The following CNBD1 variants were observed in gnomAD, a reference collection of about 807,000 sequenced individuals.
CNBD1 encodes cyclic nucleotide binding domain containing 1, also known as cyclic nucleotide-binding domain-containing protein 1.
A neutral mutation model predicts 54.4 loss-of-function variants in CNBD1; 71 were observed. That is an observed-to-expected ratio of 1.30 (90% CI 1.08 to 1.59). The LOEUF (loss-of-function observed/expected upper bound fraction) is 1.59, where lower values mean the gene tolerates loss of function less well. Among genes scored for constraint, CNBD1 ranks in the 40% most tolerant of loss-of-function variants. CNBD1 has a pLI of 0.00. For missense variants in CNBD1, 659 were observed against 518.0 expected, an observed-to-expected ratio of 1.27 and a Z score of -2.64; for synonymous variants, 182 against 170.7, an observed-to-expected ratio of 1.07 and a Z score of -0.51.
intron 4 of CNBD1, among the ~76,000 whole-genome samples, chr8:87,183,151 T>C (rs1197691830): frequency 6.6e-6 from 1 of 152,148 alleles, no homozygotes; most frequent in Non-Finnish European, 1.5e-5. Flanking sequence ...ATTTATTGAA[T>C]AGTGAGTCTT....
chr8:87,376,791 C>T (rs1045787990), intron 10 of CNBD1, among the ~76,000 whole-genome samples: 1 of 151,816 alleles, frequency 6.6e-6, no homozygotes, highest in African/African-American at 2.4e-5. Flanking sequence ...TGCACAAATA[C>T]ATAGAAATTT....
rs540160738 is a variant in CNBD1 at position 87,220,983 on chromosome 8, T to C, written c.577+14845T>C. Among the ~76,000 whole-genome samples, 120 of 152,180 alleles carry C rather than the reference T, an allele frequency of 7.9e-4. 1 individual carries two copies. The highest frequency in any genetic ancestry group is 1.1e-3 in the Non-Finnish European group (78 of 67,958). On this transcript the variant is annotated intron_variant, in intron 5 of 10. Transcript: ENST00000518476. ...ATTTAAATGTTGAAAAATCACCCTCTCCCCATATTTGAGAGTCACTCCTGA... is the reference window on the plus strand; with the variant it reads ...ATTTAAATGTTGAAAAATCACCCTCCCCCCATATTTGAGAGTCACTCCTGA...
intron 2 of CNBD1, among the ~76,000 whole-genome samples, chr8:87,403,935 G>T (rs1247887139): frequency 6.6e-6 from 1 of 152,010 alleles, no homozygotes; most frequent in Non-Finnish European, 1.5e-5. Flanking sequence ...TACAAATAGT[G>T]CTATCTGAAC....
intron 6 of CNBD1, among the ~76,000 whole-genome samples, chr8:87,247,343 A>G (rs924336210): frequency 3.3e-5 from 5 of 152,174 alleles, no homozygotes; most frequent in African/African-American, 1.2e-4. Flanking sequence ...GAAAGCTGAG[A>G]GAGGTGATCA....
chr8:87,386,962 T>G (rs936926316), downstream of CNBD1, among the ~76,000 whole-genome samples: 1 of 152,070 alleles, frequency 6.6e-6, no homozygotes, highest in Non-Finnish European at 1.5e-5. Context: ...TCAACATTCT[T>G]AAGAAAAGAA....
At chr8:87,103,658 A>G (rs750717257) in intron 4 of CNBD1, among the ~76,000 whole-genome samples, 9 of 152,224 alleles carry the variant, frequency 5.9e-5, no homozygotes, top group African/African-American at 9.6e-5. Context: ...CTCACTCACT[A>G]TCATGAGAAT....
intron 3 of CNBD1, among the ~76,000 whole-genome samples, chr8:86,937,929 A>C (rs763876939): frequency 1.3e-5 from 2 of 152,192 alleles, no homozygotes; most frequent in East Asian, 1.9e-4. Context: ...TCAGGCTGCA[A>C]ATTTTCTGAA....
At chr8:87,258,658 A>G (rs1165208297) in intron 6 of CNBD1, among the ~76,000 whole-genome samples, 1 of 152,120 alleles carries the variant, frequency 6.6e-6, no homozygotes, top group East Asian at 1.9e-4. Context: ...TCACCCTTGC[A>G]CTAGTGGACT....
intron 10 of CNBD1, among the ~76,000 whole-genome samples, chr8:87,376,514 C>T (rs1283812315): frequency 2.0e-5 from 3 of 151,798 alleles, no homozygotes; most frequent in African/African-American, 4.8e-5. Flanking sequence ...CAGTAAAAAC[C>T]GGCCTAAAAA....
chr8:87,337,425 C>A (rs950298918), intron 8 of CNBD1, among the ~76,000 whole-genome samples: 22 of 152,140 alleles, frequency 1.4e-4, no homozygotes, highest in Admixed American at 3.9e-4. Flanking sequence ...ACAGGGAGGC[C>A]CTGCAGCCAC....
intron 6 of CNBD1, among the ~76,000 whole-genome samples, chr8:87,255,584 T>C (rs1195175970): frequency 6.6e-6 from 1 of 151,892 alleles, no homozygotes; most frequent in Non-Finnish European, 1.5e-5. Flanking sequence ...TAAAAATAAA[T>C]ATCTGTTGTT....
intron 2 of CNBD1, among the ~76,000 whole-genome samples, chr8:87,414,116 C>A (rs1807797866): frequency 6.6e-6 from 1 of 152,010 alleles, no homozygotes; most frequent in African/African-American, 2.4e-5. Flanking sequence ...AGACTTGGAA[C>A]CAACCCAAAT....
At chr8:86,985,688 T>C (rs148204292) in intron 4 of CNBD1, among the ~76,000 whole-genome samples, 2,634 of 152,274 alleles carry the variant, frequency 0.017, 28 homozygotes, top group Non-Finnish European at 0.026. Flanking sequence ...TTTGGTAGAA[T>C]AATTTGTTTT....
At chr8:87,124,772 A>G (rs186224227) in intron 4 of CNBD1, among the ~76,000 whole-genome samples, 8 of 151,868 alleles carry the variant, frequency 5.3e-5, no homozygotes, top group African/African-American at 1.7e-4. Flanking sequence ...CACCACCTGT[A>G]TTCATTATAG....
In CNBD1 at chr8:87,317,465, G is replaced by C. The variant is rs916681376; in HGVS notation, c.1042+30794G>C. Among the ~76,000 whole-genome samples the C allele has an allele frequency of 4.6e-5, 7 of 151,544 alleles. No individual in the cohort carries two copies. In the East Asian group the frequency reaches 1.2e-3, roughly 25 times the overall value. On this transcript the variant is annotated intron_variant, in intron 8 of 10. Transcript: ENST00000518476. The stretch of plus-strand genomic sequence containing the variant: ...TTTACTTGAAAATATCAATTTTCAA[G>C]TAAATTTTTAAATTTTATTGTTATT...
At chr8:87,360,777 A>G (rs1302154413) in intron 10 of CNBD1, among the ~76,000 whole-genome samples, 1 of 151,914 alleles carries the variant, frequency 6.6e-6, no homozygotes, top group African/African-American at 2.4e-5. Flanking sequence ...CCGAAAAGGA[A>G]AATTTCAATT....
chr8:87,061,007 G>A (rs1810533674), intron 4 of CNBD1, among the ~76,000 whole-genome samples: 1 of 152,150 alleles, frequency 6.6e-6, no homozygotes, highest in South Asian at 2.1e-4. Flanking sequence ...TTAGTGACCT[G>A]GCTCATCATG....
intron 3 of CNBD1, among the ~76,000 whole-genome samples, chr8:86,935,212 A>G (rs1809526184): frequency 6.6e-6 from 1 of 151,628 alleles, no homozygotes; most frequent in Non-Finnish European, 1.5e-5. Context: ...ATTTTTTTGT[A>G]TTTTTAGTAG....
At chr8:87,038,075 C>T (rs183328151) in intron 4 of CNBD1, among the ~76,000 whole-genome samples, 4 of 152,278 alleles carry the variant, frequency 2.6e-5, no homozygotes, top group African/African-American at 9.6e-5. Flanking sequence ...GCACTTAAAT[C>T]TCTGTCTTCA....
Sources: gnomAD v4.1 joint callset for allele counts (sites outside exome capture counted in the v4.1 genomes callset) on GRCh38, gnomAD v4.1.1 for gene constraint, MANE v1.5 for transcripts, NCBI Gene and HGNC (gene_info 2026-07-23, HGNC 2026-07-21) for gene names.